Variants in CCDC171 observed in about 807,000 individuals in gnomAD.
CCDC171 encodes coiled-coil domain containing 171, also known as coiled-coil domain-containing protein 171.
A neutral mutation model predicts 168.2 loss-of-function variants in CCDC171; 177 were observed. The observed-to-expected ratio is 1.05, with a 90% confidence interval of 0.93 to 1.19. The LOEUF (loss-of-function observed/expected upper bound fraction) is 1.19, where lower values mean the gene tolerates loss of function less well. Among genes scored for constraint, CCDC171 ranks in the 50% most tolerant of loss-of-function variants. CCDC171 has a pLI of 0.00. For synonymous variants in CCDC171, 687 were observed against 540.8 expected (o/e 1.27, Z -3.75); for missense variants, 1,991 against 1,539.0 (o/e 1.29, Z -4.91).
At chr9:16,024,020 G>T (rs965309459) in intron 6 of CCDC171, among the ~76,000 whole-genome samples, 3 of 152,102 alleles carry the variant, frequency 2.0e-5, no homozygotes, top group African/African-American at 7.2e-5. Flanking sequence ...GAGAGAAAAA[G>T]TTGTGATGAG....
intron 1 of CCDC171, among the ~76,000 whole-genome samples, chr9:15,557,692 A>G (rs1409362044): frequency 6.6e-6 from 1 of 152,130 alleles, no homozygotes; most frequent in African/African-American, 2.4e-5. Flanking sequence ...AACAAGGACA[A>G]TTTGACTTCC....
intron 3 of CCDC171, among the ~76,000 whole-genome samples, chr9:15,982,355 A>C (rs1831825440): frequency 6.6e-6 from 1 of 152,164 alleles, no homozygotes; most frequent in African/African-American, 2.4e-5. Context: ...CGTGAACCTC[A>C]GATTCCTCTC....
At chr9:16,078,323 G>T in the CCDC171 span, among the ~76,000 whole-genome samples, 1 of 152,190 alleles carries the variant, frequency 6.6e-6, no homozygotes, top group Non-Finnish European at 1.5e-5. Flanking sequence ...CTGAGGCACG[G>T]CAGGGAGAAT....
At chr9:15,660,289 T>TTTTTC (rs570578689) in intron 8 of CCDC171, among the ~76,000 whole-genome samples, 16 of 152,188 alleles carry the variant, frequency 1.1e-4, no homozygotes, top group South Asian at 2.1e-4. Context: ...TGAAGTTTTC[T>TTTTTC]TTTTCTTTTC....
At chr9:16,016,245 A>G (rs16933954) in intron 3 of CCDC171, among the ~76,000 whole-genome samples, 2,633 of 152,172 alleles carry the variant, frequency 0.017, 75 homozygotes, top group African/African-American at 0.059. Flanking sequence ...GTCCAGCTCC[A>G]TTACTACCTC....
At chr9:15,893,712 A>G (rs1820514268) in intron 24 of CCDC171, among the ~76,000 whole-genome samples, 1 of 152,176 alleles carries the variant, frequency 6.6e-6, no homozygotes, top group Non-Finnish European at 1.5e-5. Flanking sequence ...GAGAAATGCA[A>G]ACTAAAACCA....
At chr9:15,747,770 G>A (rs1014310382) in intron 18 of CCDC171, among the ~76,000 whole-genome samples, 2 of 152,178 alleles carry the variant, frequency 1.3e-5, no homozygotes, top group Admixed American at 1.3e-4. Context: ...ACCAAAGATA[G>A]ATAAAACCAC....
chr9:15,705,120 A>T (rs182359853), intron 11 of CCDC171, among the ~76,000 whole-genome samples: 2 of 149,790 alleles, frequency 1.3e-5, no homozygotes, highest in African/African-American at 2.5e-5. Context: ...ACACACACAC[A>T]CTCTCACTCA....
chr9:15,597,725 A>G (rs544030125), intron 6 of CCDC171, among the ~76,000 whole-genome samples: 1 of 152,320 alleles, frequency 6.6e-6, no homozygotes, highest in South Asian at 2.1e-4. Flanking sequence ...GAATGGTACC[A>G]GCTCCTCCTT....
intron 25 of CCDC171, among the ~76,000 whole-genome samples, chr9:15,947,622 G>T (rs1190684451): frequency 6.6e-6 from 1 of 151,952 alleles, no homozygotes; most frequent in Non-Finnish European, 1.5e-5. Context: ...GATGGACATG[G>T]GTTACTTCCT....
intron 3 of CCDC171, among the ~76,000 whole-genome samples, chr9:15,986,946 A>G (rs1832008747): frequency 1.3e-5 from 2 of 151,798 alleles, no homozygotes; most frequent in African/African-American, 4.8e-5. Context: ...GCATTTGTCC[A>G]GAAAAAAAAC....
chr9:16,056,886 A>C (rs962041493), intron 1 of CCDC171, among the ~76,000 whole-genome samples: 2 of 152,258 alleles, frequency 1.3e-5, no homozygotes, highest in Admixed American at 6.5e-5. Context: ...AAATGTGCTC[A>C]GTATATTATG....
chr9:16,096,316 T>G, the CCDC171 span, among the ~76,000 whole-genome samples: 1 of 152,196 alleles, frequency 6.6e-6, no homozygotes, highest in Non-Finnish European at 1.5e-5. Context: ...CAATTTATCC[T>G]GTAAGTCTGC....
intron 3 of CCDC171, among the ~76,000 whole-genome samples, chr9:16,005,143 A>G (rs927381362): frequency 6.6e-6 from 1 of 152,186 alleles, no homozygotes; most frequent in Non-Finnish European, 1.5e-5. Flanking sequence ...CCGAAAAGAA[A>G]TCCTGTATTA....
At chr9:15,715,956 A>G (rs1176877773) in intron 11 of CCDC171, among the ~76,000 whole-genome samples, 1 of 152,234 alleles carries the variant, frequency 6.6e-6, no homozygotes, top group Non-Finnish European at 1.5e-5. Flanking sequence ...AAGATTTGCC[A>G]AAGTACAGCC....
intron 18 of CCDC171, among the ~76,000 whole-genome samples, chr9:15,770,379 A>G (rs1372565879): frequency 1.3e-5 from 2 of 152,220 alleles, no homozygotes; most frequent in African/African-American, 2.4e-5. Context: ...TTTGAAAACT[A>G]TATTACAGAA....
intron 18 of CCDC171, among the ~76,000 whole-genome samples, chr9:15,753,218 T>G (rs1012775042): frequency 6.6e-6 from 1 of 151,984 alleles, no homozygotes; most frequent in African/African-American, 2.4e-5. Context: ...GGCTTATGAG[T>G]ATAGGGAAGA....
At chr9:15,593,087 T>C (rs1444044861) in intron 5 of CCDC171, among the ~76,000 whole-genome samples, 2 of 151,648 alleles carry the variant, frequency 1.3e-5, no homozygotes, top group Non-Finnish European at 2.9e-5. Flanking sequence ...ACAGAGACCC[T>C]TGGGACAGTT....
chr9:15,882,428 G>A (rs1324747626), intron 24 of CCDC171, among the ~76,000 whole-genome samples: 1 of 152,170 alleles, frequency 6.6e-6, no homozygotes. Context: ...TTGCTGTGCA[G>A]AAGCTTTTTA....
Sources: allele counts gnomAD v4.1 joint callset (sites outside exome capture counted in the v4.1 genomes callset), GRCh38; gene constraint gnomAD v4.1.1; transcripts MANE v1.5; gene names NCBI Gene and HGNC (gene_info 2026-07-23, HGNC 2026-07-21).